LIMCH1: variants seen among roughly 807,000 people sequenced by gnomAD.
The protein encoded by LIMCH1 is LIM and calponin homology domains-containing protein 1.
Under a neutral mutation model 176.5 loss-of-function variants are expected in LIMCH1, and 113 were observed. That is an observed-to-expected ratio of 0.64 (90% CI 0.55 to 0.75). The LOEUF is 0.75. LIMCH1 is among the 30% of genes least tolerant of loss of function. The pLI is 0.00. For synonymous variants in LIMCH1, 619 were observed against 645.9 expected (o/e 0.96, Z 0.63); for missense variants, 1,674 against 1,814.9 (o/e 0.92, Z 1.41).
intron 1 of LIMCH1, among the ~76,000 whole-genome samples, chr4:41,479,341 C>T (rs2068210733): frequency 6.6e-6 from 1 of 152,184 alleles, no homozygotes; most frequent in Non-Finnish European, 1.5e-5. Context: ...CAGCCTCCAA[C>T]TCTTGGCTCA....
At chr4:41,668,300 T>C (rs1267282739) in intron 21 of LIMCH1, among the ~76,000 whole-genome samples, 1 of 152,192 alleles carries the variant, frequency 6.6e-6, no homozygotes, top group African/African-American at 2.4e-5. Context: ...TTAATACTGT[T>C]TTCAAAGCAT....
intron 1 of LIMCH1, among the ~76,000 whole-genome samples, chr4:41,576,950 A>G (rs553711526): frequency 4.9e-4 from 75 of 152,328 alleles, no homozygotes; most frequent in African/African-American, 1.6e-3. Flanking sequence ...CAGTAGGCCC[A>G]CTGCATCTGA....
At chr4:41,529,336 G>A (rs797008197) in intron 3 of LIMCH1, among the ~76,000 whole-genome samples, 13 of 152,292 alleles carry the variant, frequency 8.5e-5, no homozygotes, top group African/African-American at 1.4e-4. Flanking sequence ...GACAGCCGTC[G>A]TGTGTGCACA....
At chr4:41,525,435 C>T (rs1487316753) in intron 3 of LIMCH1, among the ~76,000 whole-genome samples, 1 of 152,164 alleles carries the variant, frequency 6.6e-6, no homozygotes, top group African/African-American at 2.4e-5. Flanking sequence ...ATCACGATGA[C>T]TAATTGAAAT....
chr4:41,367,738 G>A (rs1023813878), intron 1 of LIMCH1, among the ~76,000 whole-genome samples: 1 of 150,302 alleles, frequency 6.7e-6, no homozygotes, highest in East Asian at 1.9e-4. Flanking sequence ...GTGGTGGCAG[G>A]CACCTGTAGT....
intron 18 of LIMCH1, among the ~76,000 whole-genome samples, chr4:41,656,217 T>C (rs1328885603): frequency 6.6e-6 from 1 of 152,240 alleles, no homozygotes; most frequent in Non-Finnish European, 1.5e-5. Flanking sequence ...CAATCGGATC[T>C]TTCTTGAAAC....
chr4:41,445,819 CA>C, intron 1 of LIMCH1, among the ~76,000 whole-genome samples: 1 of 152,294 alleles, frequency 6.6e-6, no homozygotes, highest in African/African-American at 2.4e-5. Context: ...TTGGTCTTGG[CA>C]GTACCTTTCT....
intron 1 of LIMCH1, among the ~76,000 whole-genome samples, chr4:41,406,079 G>A (rs903677572): frequency 6.6e-5 from 10 of 152,102 alleles, no homozygotes; most frequent in Non-Finnish European, 8.8e-5. Flanking sequence ...GCTTTTTGAC[G>A]TAATCAAGCC....
intron 8 of LIMCH1, among the ~76,000 whole-genome samples, chr4:41,627,622 T>G (rs1201334366): frequency 1.3e-5 from 2 of 152,236 alleles, no homozygotes; most frequent in African/African-American, 2.4e-5. Flanking sequence ...CAGTTTCCTT[T>G]TGCCAACATT....
At chr4:41,410,916 T>A (rs568944058) in intron 1 of LIMCH1, among the ~76,000 whole-genome samples, 1 of 152,318 alleles carries the variant, frequency 6.6e-6, no homozygotes, top group South Asian at 2.1e-4. Flanking sequence ...CACTCATACC[T>A]GCTAGCCCAT....
chr4:41,633,272 G>C (rs1217005499), intron 12 of LIMCH1, among the ~76,000 whole-genome samples, 187 bp downstream of exon 12: 3 of 152,210 alleles, frequency 2.0e-5, no homozygotes, highest in Non-Finnish European at 4.4e-5. Context: ...GCTCTGGGTA[G>C]ATATTTTAGC....
upstream of LIMCH1, among the ~76,000 whole-genome samples, chr4:41,360,082 C>G (rs2051800056): frequency 6.6e-6 from 1 of 151,080 alleles, no homozygotes; most frequent in African/African-American, 2.5e-5. The surrounding 1 kb of genome is among the most constrained non-coding windows in gnomAD (Gnocchi z 4.5). Flanking sequence ...TCCCCAGCGC[C>G]TGGCCCAGTG....
At chr4:41,393,643 T>C (rs1007964539) in intron 1 of LIMCH1, among the ~76,000 whole-genome samples, 3 of 152,212 alleles carry the variant, frequency 2.0e-5, no homozygotes, top group Non-Finnish European at 4.4e-5. Context: ...AATAGAGCAT[T>C]ATAGTTTCAT....
At position 41,660,801 on chromosome 4, in the gene LIMCH1, A is replaced by T. The variant is rs550776703; in HGVS notation, c.3037-619A>T. 2.6e-5 allele frequency among the ~76,000 whole-genome samples: 4 copies of T among 152,332 alleles called. No individual in the cohort carries two copies. The South Asian group carries it at 8.3e-4, about 32-fold the overall frequency. On this transcript the variant is annotated intron_variant, in intron 18 of 31. Coordinates refer to ENST00000503057, the MANE Select transcript of LIMCH1 (RefSeq NM_001330672.2). ...GATATATTTGAGGGTAATTCAGCACAAGTGGAGGAAAACAGGGTCCAGTTG... is the reference window on the plus strand; with the variant it reads ...GATATATTTGAGGGTAATTCAGCACTAGTGGAGGAAAACAGGGTCCAGTTG...
chr4:41,652,480 G>A (rs554605196), intron 18 of LIMCH1, among the ~76,000 whole-genome samples: 2 of 152,324 alleles, frequency 1.3e-5, no homozygotes, highest in African/African-American at 4.8e-5. Context: ...ACCTCTGCTA[G>A]AGATTTCTTG....
chr4:41,620,790 C>A, intron 7 of LIMCH1, 100 bp downstream of exon 7: 1 of 1,323,242 alleles, frequency 7.6e-7, no homozygotes, highest in Non-Finnish European at 1.0e-6. Flanking sequence ...TTTTCCACTT[C>A]CCGCTTTTCC....
chr4:41,681,127 C>T lies in LIMCH1; in HGVS notation c.3717+68C>T, dbSNP rs556812827. The T allele has an allele frequency of 5.8e-5, 53 of 912,556 alleles. 1 individual carries two copies. The Admixed American group carries it at 6.6e-4, about 11-fold the overall frequency. The allele number at this position is 912,556 out of a possible 1,614,324, so 56.5% of individuals were successfully genotyped here. A position where few individuals can be genotyped will look rare whatever the true frequency, so the allele number is the denominator to read the frequency against. On this transcript the variant is annotated intron_variant, in intron 25 of 31. Transcript: ENST00000503057. ...TAAATGGAAGTACCAAACCCCAAGA[C>T]CAAGGTTACCGAACAGACTCACTAG...
At chr4:41,480,057 C>A (rs1173662300) in intron 1 of LIMCH1, among the ~76,000 whole-genome samples, 1 of 152,078 alleles carries the variant, frequency 6.6e-6, no homozygotes, top group Non-Finnish European at 1.5e-5. Flanking sequence ...AAAAATAGAA[C>A]TACCATTTTT....
chr4:41,577,039 G>T (rs1031247579), intron 1 of LIMCH1, among the ~76,000 whole-genome samples: 1 of 152,204 alleles, frequency 6.6e-6, no homozygotes, highest in African/African-American at 2.4e-5. Context: ...ATGGAGGGCC[G>T]ACTTTTCCTA....
Sources: allele counts gnomAD v4.1 joint callset (sites outside exome capture counted in the v4.1 genomes callset), GRCh38; gene constraint gnomAD v4.1.1; non-coding constraint Gnocchi (gnomAD v3.1); transcripts MANE v1.5; gene names NCBI Gene and HGNC (gene_info 2026-07-23, HGNC 2026-07-21).